The following F13A1 variants were observed in gnomAD, a reference collection of about 807,000 sequenced individuals.
F13A1 encodes coagulation factor XIII A chain.
A neutral mutation model predicts 80.1 loss-of-function variants in F13A1; 47 were observed. The observed-to-expected ratio is 0.59, with a 90% CI of 0.46 to 0.75. The LOEUF (loss-of-function observed/expected upper bound fraction) is 0.75, where lower values mean the gene tolerates loss of function less well. Ranked by LOEUF, F13A1 falls within the 30% of genes least tolerant of loss-of-function variation. F13A1 has a pLI of 0.00. For missense variants in F13A1, 817 were observed against 930.4 expected (o/e 0.88, Z 1.59); for synonymous variants, 349 against 344.9 (o/e 1.01, Z -0.13).
chr6:6,179,117 G>C (rs564870303), intron 11 of F13A1, among the ~76,000 whole-genome samples: 2 of 152,288 alleles, frequency 1.3e-5, no homozygotes, highest in Admixed American at 1.3e-4. Context: ...CTGCTTAAAT[G>C]CTGATTGGAA....
At chr6:6,195,254 C>G (rs903194796) in intron 10 of F13A1, among the ~76,000 whole-genome samples, 3 of 152,222 alleles carry the variant, frequency 2.0e-5, no homozygotes, top group Non-Finnish European at 4.4e-5. Context: ...GTATTCCTCT[C>G]TTAGAGTAGC....
intron 10 of F13A1, among the ~76,000 whole-genome samples, chr6:6,184,865 T>C (rs1219364724): frequency 2.0e-5 from 3 of 152,108 alleles, no homozygotes; most frequent in Non-Finnish European, 4.4e-5. Context: ...CTTTTGTATA[T>C]GTGTGTTGGG....
intron 13 of F13A1, among the ~76,000 whole-genome samples, chr6:6,160,649 G>A (rs1329084024): frequency 6.6e-6 from 1 of 152,146 alleles, no homozygotes; most frequent in African/African-American, 2.4e-5. Flanking sequence ...TCTGATAATG[G>A]TTTTGAAAGC....
chr6:6,267,232 C>A (rs141029084), intron 3 of F13A1, among the ~76,000 whole-genome samples: 1 of 152,268 alleles, frequency 6.6e-6, no homozygotes, highest in East Asian at 1.9e-4. Context: ...ACAGTGCAAA[C>A]CACTGAGAAA....
In F13A1 at chr6:6,243,705, C is replaced by T. The variant is rs1757517279; in HGVS notation, c.798+4607G>A. Among the ~76,000 whole-genome samples, 1 of 152,192 alleles carries T rather than the reference C, an allele frequency of 6.6e-6. No homozygotes were observed. The highest frequency in any genetic ancestry group is 6.5e-5 in the Admixed American group (1 of 15,278). On this transcript the variant is annotated intron_variant, in intron 6 of 14. Transcript: ENST00000264870. The surrounding 1 kb of genome is among the most constrained non-coding windows in gnomAD (Gnocchi z 4.2). The stretch of plus-strand genomic sequence containing the variant: ...GTGTGACTTTGAGTGAGGGACACCA[C>T]TTCCAAGGGCTTCTGCTTCCTCACC...
intron 3 of F13A1, among the ~76,000 whole-genome samples, chr6:6,293,810 G>C (rs1561681597): frequency 2.5e-5 from 3 of 119,100 alleles, no homozygotes; most frequent in East Asian, 5.4e-4. Context: ...AGGGAGGGAG[G>C]GAGGGAGGGA....
intron 2 of F13A1, 85 bp from the exon 3 acceptor site, chr6:6,305,624 T>A: frequency 7.0e-7 from 1 of 1,431,832 alleles, no homozygotes; most frequent in Non-Finnish European, 9.7e-7. Context: ...TTATTTTCCC[T>A]GAAGAAGGCA....
intron 8 of F13A1, among the ~76,000 whole-genome samples, chr6:6,200,601 G>T (rs1449453723): frequency 1.3e-5 from 2 of 151,960 alleles, no homozygotes; most frequent in Non-Finnish European, 2.9e-5. Context: ...GAAAAGATAG[G>T]GCAGGGGCTA....
At chr6:6,312,320 T>C (rs1298994813) in intron 2 of F13A1, among the ~76,000 whole-genome samples, 1 of 151,942 alleles carries the variant, frequency 6.6e-6, no homozygotes, top group Non-Finnish European at 1.5e-5. Flanking sequence ...AGTGGTACTA[T>C]AAGTGGGGAA....
intron 11 of F13A1, among the ~76,000 whole-genome samples, chr6:6,176,128 TTGGCTTGTA>T (rs1760879764): frequency 1.3e-5 from 2 of 152,294 alleles, no homozygotes. Context: ...GGCAAATTCC[TTGGCTTGTA>T]AAAACTAGGC....
chr6:6,204,028 G>T (rs1008002201), intron 8 of F13A1, among the ~76,000 whole-genome samples: 2 of 152,172 alleles, frequency 1.3e-5, no homozygotes, highest in African/African-American at 4.8e-5. Context: ...TCTGGCTAAG[G>T]TCATATCCAG....
intron 3 of F13A1, among the ~76,000 whole-genome samples, chr6:6,274,256 T>A (rs970352502): frequency 1.3e-5 from 2 of 152,256 alleles, no homozygotes; most frequent in African/African-American, 4.8e-5. Context: ...AGGTACTTGT[T>A]AAGGTGTCTT....
chr6:6,256,982 T>A (rs981408981), intron 4 of F13A1, among the ~76,000 whole-genome samples: 1 of 152,176 alleles, frequency 6.6e-6, no homozygotes, highest in Non-Finnish European at 1.5e-5. Flanking sequence ...TTGTTTCTAA[T>A]CCTTTAGAAG....
At chr6:6,227,099 A>T (rs1166179944) in intron 6 of F13A1, among the ~76,000 whole-genome samples, 1 of 151,916 alleles carries the variant, frequency 6.6e-6, no homozygotes, top group Non-Finnish European at 1.5e-5. Flanking sequence ...CGAACGAAAT[A>T]AAAAAAATAC....
At chr6:6,242,130 G>A (rs915633775) in intron 6 of F13A1, among the ~76,000 whole-genome samples, 3 of 152,122 alleles carry the variant, frequency 2.0e-5, no homozygotes, top group Admixed American at 6.6e-5. Flanking sequence ...TTTATTTTCT[G>A]TTTATCTGTA....
rs547236892 is a variant in F13A1, at chr6:6,173,166, G to T, written c.1747+1414C>A. 7.0e-4 allele frequency among the ~76,000 whole-genome samples: 106 copies of T among 152,192 alleles called. 2 individuals are homozygous for T. Among genetic ancestry groups the T allele is most frequent in the African/African-American group, 2.5e-3 (102 of 41,500 alleles). ...GTTGCCCATCGTGTGGTCAACTGTT[G>T]TGCCCACCAAATACGAACATCCTAG... On this transcript the variant is annotated intron_variant, in intron 12 of 14. Transcript: ENST00000264870.
intron 12 of F13A1, among the ~76,000 whole-genome samples, chr6:6,171,131 G>C (rs1760765051): frequency 6.6e-6 from 1 of 152,166 alleles, no homozygotes; most frequent in African/African-American, 2.4e-5. Flanking sequence ...CTTGTGAGGT[G>C]GGAAAAGGGC....
chr6:6,243,547 T>C lies in F13A1; in HGVS notation c.798+4765A>G, dbSNP rs1018908095. 6.6e-6 allele frequency among the ~76,000 whole-genome samples: 1 copy of C among 152,234 alleles called. No homozygotes were observed. Among genetic ancestry groups the C allele is most frequent in the Non-Finnish European group, 1.5e-5 (1 of 68,032 alleles). On this transcript the variant is annotated intron_variant, in intron 6 of 14. Transcript: ENST00000264870. This position sits in a 1 kb window ranked among gnomAD's most constrained non-coding sequence, Gnocchi z 4.2. ...CTCCATTCCCTTGGGGCTCTCTTCT[T>C]TTCTAGGAAATGGCAATTCAATCTT...
chr6:6,300,004 T>G lies in F13A1; in HGVS notation c.319+5347A>C, dbSNP rs530115261. ...CAGCTGCAGGTCTGTTGGAGTACCC[T>G]GCCGTGTGAAGTGTCAGTGTGCCCC... On this transcript the variant is annotated intron_variant, in intron 3 of 14. Coordinates refer to ENST00000264870, the MANE Select transcript of F13A1 (RefSeq NM_000129.4). 6.8e-4 allele frequency among the ~76,000 whole-genome samples: 99 copies of G among 146,460 alleles called. 3 individuals are homozygous for G. Among genetic ancestry groups the G allele is most frequent in the South Asian group, 2.1e-3 (10 of 4,790 alleles).
Sources: allele counts gnomAD v4.1 joint callset (sites outside exome capture counted in the v4.1 genomes callset), GRCh38; gene constraint gnomAD v4.1.1; non-coding constraint Gnocchi (gnomAD v3.1); transcripts MANE v1.5; gene names NCBI Gene and HGNC (gene_info 2026-07-23, HGNC 2026-07-21).